SGCZ: variants seen among roughly 807,000 people sequenced by gnomAD.
SGCZ encodes zeta-sarcoglycan.
Under a neutral mutation model 41.3 loss-of-function variants are expected in SGCZ, and 40 were observed. The ratio of observed to expected loss-of-function variants is 0.97; its 90% CI spans 0.75 to 1.26. The LOEUF (loss-of-function observed/expected upper bound fraction) is 1.26. Ranked by LOEUF, SGCZ falls within the 50% of genes most tolerant of loss-of-function variation. The probability of loss-of-function intolerance (pLI) is 0.00; values close to 1 mark genes in which losing one functional copy is unlikely to be tolerated. For missense variants in SGCZ, 552 were observed against 369.8 expected (o/e 1.49, Z -4.04); for synonymous variants, 206 against 137.5 (o/e 1.50, Z -3.49).
intron 1 of SGCZ, among the ~76,000 whole-genome samples, chr8:14,848,826 G>A (rs1803222876): frequency 6.6e-6 from 1 of 152,090 alleles, no homozygotes; most frequent in African/African-American, 2.4e-5. Context: ...TCAATAAAAG[G>A]ACAAAAGGAT....
At chr8:14,954,673 C>T (rs370399031) in intron 1 of SGCZ, among the ~76,000 whole-genome samples, 6 of 152,080 alleles carry the variant, frequency 3.9e-5, no homozygotes, top group Non-Finnish European at 8.8e-5. Flanking sequence ...CTGAGGCTTT[C>T]GGTTCCACAA....
chr8:14,380,720 T>G (rs1804330389), intron 2 of SGCZ, among the ~76,000 whole-genome samples: 1 of 152,032 alleles, frequency 6.6e-6, no homozygotes, highest in South Asian at 2.1e-4. Context: ...GGCATGGTGG[T>G]GCGTATCTGC....
intron 1 of SGCZ, among the ~76,000 whole-genome samples, chr8:14,585,142 A>G (rs1022002738): frequency 1.3e-5 from 2 of 152,154 alleles, no homozygotes; most frequent in African/African-American, 4.8e-5. Flanking sequence ...AATAAACATT[A>G]GCTTTTTGTT....
chr8:15,075,424 A>G (rs1805494895), intron 1 of SGCZ, among the ~76,000 whole-genome samples: 1 of 152,186 alleles, frequency 6.6e-6, no homozygotes, highest in African/African-American at 2.4e-5. Flanking sequence ...TTAAGAAGGA[A>G]ATGAGCATGA....
chr8:15,104,830 AT>A (rs1301307083), intron 1 of SGCZ, among the ~76,000 whole-genome samples: 1 of 152,130 alleles, frequency 6.6e-6, no homozygotes, highest in African/African-American at 2.4e-5. Context: ...ACATGGTTTC[AT>A]TTTTGCTTTT....
chr8:14,155,289 T>A (rs576822752), intron 5 of SGCZ, among the ~76,000 whole-genome samples: 1 of 152,188 alleles, frequency 6.6e-6, no homozygotes, highest in South Asian at 2.1e-4. Flanking sequence ...TTGTCTGATA[T>A]AATATAGAAG....
intron 1 of SGCZ, among the ~76,000 whole-genome samples, chr8:14,799,668 G>A (rs575898327): frequency 3.3e-4 from 50 of 150,254 alleles, no homozygotes; most frequent in Admixed American, 7.2e-4. Context: ...AGGAGGGAGC[G>A]GCAAGGGCAA....
At chr8:14,911,907 A>G (rs1396438086) in intron 1 of SGCZ, among the ~76,000 whole-genome samples, 1 of 152,008 alleles carries the variant, frequency 6.6e-6, no homozygotes, top group Non-Finnish European at 1.5e-5. Flanking sequence ...TTTTATCTCT[A>G]TACTGCAATG....
At chr8:14,624,447 T>C (rs1806381979) in intron 1 of SGCZ, among the ~76,000 whole-genome samples, 1 of 151,776 alleles carries the variant, frequency 6.6e-6, no homozygotes, top group South Asian at 2.1e-4. Context: ...ATTAATAGGG[T>C]TCATTGCAGT....
At chr8:14,930,388 G>A (rs1458864096) in intron 1 of SGCZ, among the ~76,000 whole-genome samples, 1 of 152,012 alleles carries the variant, frequency 6.6e-6, no homozygotes, top group African/African-American at 2.4e-5. Flanking sequence ...ACTATTGATG[G>A]GAGTGTAAAT....
intron 1 of SGCZ, among the ~76,000 whole-genome samples, chr8:14,603,806 G>A (rs1450226399): frequency 2.0e-5 from 3 of 151,906 alleles, no homozygotes; most frequent in African/African-American, 4.8e-5. Flanking sequence ...TCCTGAGATC[G>A]GGACCCTTGT....
At chr8:14,518,472 T>A (rs1802691075) in intron 2 of SGCZ, among the ~76,000 whole-genome samples, 1 of 152,098 alleles carries the variant, frequency 6.6e-6, no homozygotes, top group Non-Finnish European at 1.5e-5. Context: ...TATTTCAACA[T>A]GCCACTTATT....
chr8:14,528,827 C>CA (rs760788606), intron 2 of SGCZ, among the ~76,000 whole-genome samples: 24,473 of 51,590 alleles, frequency 0.47, 2,781 homozygotes, highest in Non-Finnish European at 0.55. Context: ...ACGGACCAGC[C>CA]AAAAAAAAAA....
At chr8:14,989,324 G>T (rs1801929704) in intron 1 of SGCZ, among the ~76,000 whole-genome samples, 1 of 152,182 alleles carries the variant, frequency 6.6e-6, no homozygotes, top group South Asian at 2.1e-4. Flanking sequence ...GTACCAGAAA[G>T]ATAAATAATT....
chr8:14,463,568 G>T (rs1239940884), intron 2 of SGCZ, among the ~76,000 whole-genome samples: 1 of 151,546 alleles, frequency 6.6e-6, no homozygotes, highest in African/African-American at 2.4e-5. Flanking sequence ...AAAACTTCAT[G>T]ACACTGGATT....
intron 2 of SGCZ, among the ~76,000 whole-genome samples, chr8:14,464,578 T>C (rs1186819607): frequency 2.0e-5 from 3 of 151,436 alleles, no homozygotes; most frequent in African/African-American, 7.3e-5. Flanking sequence ...CTTTATTTTT[T>C]ATTCTTTATT....
chr8:14,197,026 T>C (rs1805287328), intron 4 of SGCZ, among the ~76,000 whole-genome samples: 3 of 152,034 alleles, frequency 2.0e-5, no homozygotes, highest in Admixed American at 2.0e-4. Flanking sequence ...CAAAATTGGA[T>C]TGTGGTAATG....
At chr8:14,107,060 C>T (rs1357575147) in intron 6 of SGCZ, among the ~76,000 whole-genome samples, 1 of 151,632 alleles carries the variant, frequency 6.6e-6, no homozygotes, top group East Asian at 1.9e-4. Context: ...ACTAAAAATA[C>T]AAAAAATTAA....
intron 1 of SGCZ, among the ~76,000 whole-genome samples, chr8:14,763,794 G>A (rs1367745414): frequency 6.6e-6 from 1 of 152,130 alleles, no homozygotes; most frequent in South Asian, 2.1e-4. Context: ...CCTCTGCAAA[G>A]AAGTCTTCAA....
Sources: allele counts gnomAD v4.1 joint callset (sites outside exome capture counted in the v4.1 genomes callset), GRCh38; gene constraint gnomAD v4.1.1; transcripts MANE v1.5; gene names NCBI Gene and HGNC (gene_info 2026-07-23, HGNC 2026-07-21).